The following MCF2L2 variants were observed in gnomAD, a reference collection of about 807,000 sequenced individuals.
MCF2L2 encodes the protein probable guanine nucleotide exchange factor MCF2L2.
Under a neutral mutation model 150.2 loss-of-function variants are expected in MCF2L2, and 102 were observed. The observed-to-expected ratio is 0.68, with a 90% CI of 0.58 to 0.80. The LOEUF is 0.80. Among genes scored for constraint, MCF2L2 ranks in the 30% least tolerant of loss-of-function variants. The probability of loss-of-function intolerance (pLI) is 0.00; values close to 1 mark genes in which losing one functional copy is unlikely to be tolerated. For synonymous variants in MCF2L2, 465 were observed against 491.3 expected (o/e 0.95, Z 0.71); for missense variants, 1,256 against 1,372.8 (o/e 0.91, Z 1.34).
chr3:183,406,175 A>G (rs1326447308), intron 1 of MCF2L2, among the ~76,000 whole-genome samples: 1 of 152,194 alleles, frequency 6.6e-6, no homozygotes, highest in Admixed American at 6.5e-5. Context: ...CTGTTTTCCA[A>G]CATGGCTGTA....
chr3:183,364,507 G>A (rs1032663727), intron 3 of MCF2L2, among the ~76,000 whole-genome samples: 4 of 151,854 alleles, frequency 2.6e-5, no homozygotes, highest in Middle Eastern at 3.2e-3. Flanking sequence ...GCAACAGAGC[G>A]AGACTCCATC....
intron 14 of MCF2L2, among the ~76,000 whole-genome samples, chr3:183,282,445 G>A (rs1727554035): frequency 6.6e-6 from 1 of 152,096 alleles, no homozygotes. Flanking sequence ...AACGCTATTG[G>A]CAATAGTTTG....
intron 3 of MCF2L2, among the ~76,000 whole-genome samples, chr3:183,371,663 A>G (rs1712893873): frequency 6.7e-6 from 1 of 149,462 alleles, no homozygotes; most frequent in Non-Finnish European, 1.5e-5. Context: ...TTTTAAGTAG[A>G]GATGGGGTTT....
chr3:183,260,413 C>G (rs1403462183), intron 15 of MCF2L2, among the ~76,000 whole-genome samples: 1 of 152,144 alleles, frequency 6.6e-6, no homozygotes, highest in East Asian at 1.9e-4. Flanking sequence ...TCAGCCCAAA[C>G]AAGTGTGTTG....
Position 183,341,577 on chromosome 3 carries a change from T to C in MCF2L2, c.329A>G (p.Lys110Arg). Residue 110 changes from lysine (K) to arginine (R), a missense_variant, in exon 4 of 30, where the codon AAG becomes AGG. Lys to Arg is a conservative substitution (Grantham distance 26). Transcript: ENST00000328913. ...FIVVIDRRRD[K>R]WSSVKASLTR... ...CAAGGATGCCTTTACGGAGCTCCAC[T>C]TGTCTCTTCGTCTGTCGATAACAAC... 1 of 1,614,054 alleles carries C rather than the reference T, an allele frequency of 6.2e-7. No individual in the cohort carries two copies. The highest frequency in any genetic ancestry group is 8.5e-7 in the Non-Finnish European group (1 of 1,179,884).
At chr3:183,333,751 A>G (rs1186267665) in intron 5 of MCF2L2, among the ~76,000 whole-genome samples, 3 of 152,154 alleles carry the variant, frequency 2.0e-5, no homozygotes, top group Non-Finnish European at 4.4e-5. Flanking sequence ...ATATACGTGC[A>G]TATATTTACA....
chr3:183,210,800 C>T (rs566164470), intron 22 of MCF2L2, among the ~76,000 whole-genome samples: 1 of 152,278 alleles, frequency 6.6e-6, no homozygotes, highest in South Asian at 2.1e-4. Flanking sequence ...TGCTTTATTA[C>T]CTCTGAACTT....
rs1418974399 is a variant in MCF2L2 at position 183,251,943 on chromosome 3, G to A, written c.1863-20926C>T. ...CTCCTACCACCAAAAAACTTGCATC[G>A]TATTTCCAATCTCCAGACATACTTT... On this transcript the variant is annotated intron_variant, in intron 15 of 29. Transcript: ENST00000328913. Among the ~76,000 whole-genome samples the A allele has an allele frequency of 4.7e-5, 7 of 150,016 alleles. No homozygotes were observed. The East Asian group carries it at 1.2e-3, about 25-fold the overall frequency.
chr3:183,192,952 T>A, intron 27 of MCF2L2, 47 bp downstream of exon 27: 1 of 1,414,176 alleles, frequency 7.1e-7, no homozygotes. Context: ...GCAGCTGGCA[T>A]CACCCCACTG....
chr3:183,281,355 A>G (rs1398266801), intron 14 of MCF2L2, among the ~76,000 whole-genome samples: 1 of 145,184 alleles, frequency 6.9e-6, no homozygotes, highest in Non-Finnish European at 1.5e-5. Flanking sequence ...AAGAGGGGGA[A>G]CCTCACCTTT....
At chr3:183,242,872 C>A (rs918823446) in intron 15 of MCF2L2, among the ~76,000 whole-genome samples, 2 of 152,240 alleles carry the variant, frequency 1.3e-5, no homozygotes. Flanking sequence ...CTGTACCCTG[C>A]AAAGCCACAG....
chr3:183,341,759 C>G (rs1047611540), intron 3 of MCF2L2, 129 bp from the exon 4 acceptor site: 3 of 637,680 alleles, frequency 4.7e-6, no homozygotes, highest in Non-Finnish European at 8.5e-6. Flanking sequence ...CTGCACAGCA[C>G]AACCAACTCC....
intron 22 of MCF2L2, among the ~76,000 whole-genome samples, chr3:183,213,162 T>C (rs1196347581): frequency 6.6e-6 from 1 of 152,032 alleles, no homozygotes; most frequent in Non-Finnish European, 1.5e-5. Context: ...AAAGGAAGAC[T>C]GTTTCATTCA....
chr3:183,207,460 C>A, intron 23 of MCF2L2, 148 bp downstream of exon 23: 1 of 644,242 alleles, frequency 1.6e-6, no homozygotes, highest in Non-Finnish European at 2.7e-6. Flanking sequence ...TCAGACAGAC[C>A]CGGCTATGGA....
intron 27 of MCF2L2, among the ~76,000 whole-genome samples, chr3:183,187,971 G>A (rs1010520651): frequency 1.3e-5 from 2 of 152,206 alleles, no homozygotes; most frequent in Non-Finnish European, 2.9e-5. Context: ...CATAGTGGAA[G>A]GAGAAACGGG....
rs746294947 is a variant in MCF2L2 at position 183,318,080 on chromosome 3, C to T, written c.741G>A (p.Arg247=). The part of the protein sequence containing the change: ...EDLLMSHTRQ[R]DKLQDELKLL... ...ACTGACCGCTCACCTGCAGCTTGTCCCGCTGCCTTGTGTGGGACATGAGAA... is the reference window on the plus strand; with the variant it reads ...ACTGACCGCTCACCTGCAGCTTGTCTCGCTGCCTTGTGTGGGACATGAGAA... Residue 247 remains arginine, a synonymous_variant, in exon 7 of 30, where the codon CGG becomes CGA. Transcript: ENST00000328913. The T allele has an allele frequency of 1.2e-6, 2 of 1,613,746 alleles. No homozygotes were observed. The highest frequency in any genetic ancestry group is 4.5e-5 in the East Asian group (2 of 44,870).
chr3:183,208,422 C>T (rs1351612054), intron 22 of MCF2L2, among the ~76,000 whole-genome samples: 4 of 152,264 alleles, frequency 2.6e-5, no homozygotes, highest in Admixed American at 2.6e-4. Flanking sequence ...TCAACAGTGC[C>T]AAGATAATAC....
intron 15 of MCF2L2, 164 bp from the exon 16 acceptor site, chr3:183,231,181 T>C: frequency 2.9e-6 from 2 of 692,522 alleles, no homozygotes; most frequent in Non-Finnish European, 5.3e-6. Flanking sequence ...ACACCCAAGG[T>C]CAGCATCTCA....
chr3:183,358,210 G>A (rs1711904528), intron 3 of MCF2L2, among the ~76,000 whole-genome samples: 2 of 152,134 alleles, frequency 1.3e-5, no homozygotes, highest in African/African-American at 4.8e-5. Flanking sequence ...AGAATCACTT[G>A]AACCTGGGAG....
Sources: allele counts gnomAD v4.1 joint callset (sites outside exome capture counted in the v4.1 genomes callset), GRCh38; gene constraint gnomAD v4.1.1; transcripts MANE v1.5; gene names NCBI Gene and HGNC (gene_info 2026-07-23, HGNC 2026-07-21).